Variants in TENM3 observed in about 807,000 individuals in gnomAD.
TENM3 encodes teneurin transmembrane protein 3, also known as teneurin-3.
TENM3 carries 63 observed loss-of-function variants against 255.1 expected under a neutral mutation model. The observed-to-expected ratio is 0.25, with a 90% CI of 0.20 to 0.30. The LOEUF (loss-of-function observed/expected upper bound fraction) is 0.30, where lower values mean the gene tolerates loss of function less well. Ranked by LOEUF, TENM3 falls within the 10% of genes least tolerant of loss-of-function variation. The probability of loss-of-function intolerance (pLI) is 1.00; values close to 1 mark genes in which losing one functional copy is unlikely to be tolerated. For synonymous variants in TENM3, 1,306 were observed against 1,322.3 expected (o/e 0.99, Z 0.27); for missense variants, 2,929 against 3,461.1 (o/e 0.85, Z 3.86).
At chr4:182,626,095 G>A (rs1750790360) in intron 4 of TENM3, among the ~76,000 whole-genome samples, 1 of 152,186 alleles carries the variant, frequency 6.6e-6, no homozygotes. Context: ...TGTATGCATT[G>A]TCTATGGCGG....
At chr4:181,695,106 T>C in the TENM3 span, among the ~76,000 whole-genome samples, 1 of 152,344 alleles carries the variant, frequency 6.6e-6, no homozygotes, top group East Asian at 1.9e-4. Flanking sequence ...TTTGTTATAA[T>C]TGACTATTTT....
At chr4:181,567,715 T>C in the TENM3 span, among the ~76,000 whole-genome samples, 1 of 152,202 alleles carries the variant, frequency 6.6e-6, no homozygotes, top group Non-Finnish European at 1.5e-5. Context: ...ACAAGTTCTT[T>C]TTTACTCTTT....
intron 1 of TENM3, among the ~76,000 whole-genome samples, chr4:182,183,868 C>T (rs1248799253): frequency 6.6e-6 from 1 of 152,096 alleles, no homozygotes; most frequent in Non-Finnish European, 1.5e-5. Flanking sequence ...GAATAAATAG[C>T]AAACATATGA....
rs1408357635 is a variant in TENM3, at chr4:182,456,590, A to G, written c.511+109661A>G. 4.6e-5 allele frequency among the ~76,000 whole-genome samples: 7 copies of G among 152,330 alleles called. No homozygotes were observed. The East Asian group carries it at 1.4e-3, about 29-fold the overall frequency. On this transcript the variant is annotated intron_variant, in intron 3 of 27. Transcript: ENST00000511685. ...TACATGTACAGTTAACTTGAAATGT[A>G]TATACATTGATAAAGATACTCATGA... is the stretch of plus-strand genomic sequence containing the variant.
At chr4:181,919,376 T>G in the TENM3 span, among the ~76,000 whole-genome samples, 1 of 149,030 alleles carries the variant, frequency 6.7e-6, no homozygotes, top group Admixed American at 6.7e-5. Context: ...GCAAAGCAGG[T>G]GTGTGTGTGT....
the TENM3 span, among the ~76,000 whole-genome samples, chr4:181,702,082 A>T: frequency 6.6e-6 from 1 of 152,188 alleles, no homozygotes; most frequent in African/African-American, 2.4e-5. Flanking sequence ...CGACAAAGCC[A>T]CTGAACAGTG....
At chr4:182,223,948 C>T (rs1368015087) in intron 1 of TENM3, among the ~76,000 whole-genome samples, 2 of 152,096 alleles carry the variant, frequency 1.3e-5, no homozygotes, top group East Asian at 3.9e-4. Flanking sequence ...TGTATTTGAC[C>T]AGAGGCAATG....
the TENM3 span, among the ~76,000 whole-genome samples, chr4:182,094,941 T>TAAAA: frequency 1.9e-5 from 2 of 105,658 alleles, no homozygotes; most frequent in African/African-American, 7.2e-5. Flanking sequence ...AAATAGAAGG[T>TAAAA]AAAAAAAAAA....
the TENM3 span, among the ~76,000 whole-genome samples, chr4:182,115,891 T>C: frequency 6.8e-6 from 1 of 147,906 alleles, no homozygotes; most frequent in Non-Finnish European, 1.5e-5. Context: ...TTTTTAAAAA[T>C]TAATTTGTTT....
the TENM3 span, among the ~76,000 whole-genome samples, chr4:181,591,057 A>T: frequency 1.3e-5 from 2 of 152,256 alleles, no homozygotes; most frequent in Admixed American, 1.3e-4. Flanking sequence ...AATGAGTCTT[A>T]TGCAACCTTT....
intron 3 of TENM3, among the ~76,000 whole-genome samples, chr4:182,374,773 C>T (rs1256754556): frequency 6.6e-6 from 1 of 152,110 alleles, no homozygotes; most frequent in Admixed American, 6.5e-5. Context: ...TCCCCCAATT[C>T]TCTTGATCTT....
chr4:182,134,648 G>A, the TENM3 span, among the ~76,000 whole-genome samples: 1 of 152,148 alleles, frequency 6.6e-6, no homozygotes, highest in Non-Finnish European at 1.5e-5. Flanking sequence ...AAGAAATTTG[G>A]ATGCTTCTCT....
chr4:181,677,572 C>T, the TENM3 span, among the ~76,000 whole-genome samples: 1 of 152,114 alleles, frequency 6.6e-6, no homozygotes, highest in Non-Finnish European at 1.5e-5. Flanking sequence ...AACATAGCCT[C>T]CTAGTTAACA....
At chr4:182,769,629 CA>C (rs57243837) in intron 22 of TENM3, among the ~76,000 whole-genome samples, 3 of 150,366 alleles carry the variant, frequency 2.0e-5, no homozygotes, top group African/African-American at 7.4e-5. Context: ...TAAAAATACA[CA>C]AAAAAATTAC....
At chr4:181,800,103 G>A in the TENM3 span, among the ~76,000 whole-genome samples, 3 of 152,294 alleles carry the variant, frequency 2.0e-5, no homozygotes, top group South Asian at 6.2e-4. Context: ...ACACATAACT[G>A]TCAGTGTTGC....
chr4:182,770,716 A>G (rs1764132674), intron 22 of TENM3, among the ~76,000 whole-genome samples: 1 of 152,162 alleles, frequency 6.6e-6, no homozygotes, highest in Admixed American at 6.5e-5. Flanking sequence ...CTCATTTGTA[A>G]TAGTTAAATT....
At chr4:182,597,092 A>G (rs1375938067) in intron 3 of TENM3, among the ~76,000 whole-genome samples, 2 of 152,108 alleles carry the variant, frequency 1.3e-5, no homozygotes, top group Non-Finnish European at 2.9e-5. Flanking sequence ...CTGGGTATTC[A>G]ATTGTTCTTT....
chr4:182,531,491 C>G lies in TENM3; in HGVS notation c.512-69433C>G, dbSNP rs76294815. ...AAGTAAAAGGGGTCCCCAAGACCACCCCAGGCTAGATGATTTGCTGGGAGG... is the reference window on the plus strand; with the variant it reads ...AAGTAAAAGGGGTCCCCAAGACCACGCCAGGCTAGATGATTTGCTGGGAGG... On this transcript the variant is annotated intron_variant, in intron 3 of 27. Transcript: ENST00000511685. 1.9e-3 allele frequency among the ~76,000 whole-genome samples: 290 copies of G among 152,170 alleles called. 2 individuals are homozygous for G. Among genetic ancestry groups the G allele is most frequent in the Middle Eastern group, 6.8e-3 (2 of 294 alleles).
chr4:182,235,470 A>G (rs1158203387), intron 1 of TENM3, among the ~76,000 whole-genome samples: 1 of 152,184 alleles, frequency 6.6e-6, no homozygotes, highest in East Asian at 1.9e-4. Context: ...CCATGCACCA[A>G]TTCTGCAGTT....
Sources: allele counts gnomAD v4.1 joint callset (sites outside exome capture counted in the v4.1 genomes callset), GRCh38; gene constraint gnomAD v4.1.1; transcripts MANE v1.5; gene names NCBI Gene and HGNC (gene_info 2026-07-23, HGNC 2026-07-21).